Variants in KANSL1L observed in about 807,000 individuals in gnomAD.
KANSL1L encodes the protein KAT8 regulatory NSL complex subunit 1-like protein.
Under a neutral mutation model 108.6 loss-of-function variants are expected in KANSL1L, and 25 were observed. The observed-to-expected ratio is 0.23, with a 90% CI of 0.17 to 0.32. The LOEUF (loss-of-function observed/expected upper bound fraction) is 0.32, where lower values mean the gene tolerates loss of function less well. Among genes scored for constraint, KANSL1L ranks in the 10% least tolerant of loss-of-function variants. KANSL1L has a pLI of 1.00. For missense variants in KANSL1L, 1,137 were observed against 1,125.7 expected (o/e 1.01, Z -0.14); for synonymous variants, 405 against 395.1 (o/e 1.03, Z -0.30).
intron 5 of KANSL1L, among the ~76,000 whole-genome samples, chr2:210,092,312 T>C (rs1276520214): frequency 2.6e-5 from 4 of 152,218 alleles, no homozygotes; most frequent in African/African-American, 9.6e-5. Flanking sequence ...CTTCACACTA[T>C]ATTCTCTACA....
chr2:210,079,666 G>GTGTGTATATATATATATATATA (rs1559539831), intron 5 of KANSL1L: 6 of 18,414 alleles, frequency 3.3e-4, no homozygotes, highest in East Asian at 3.1e-3. Flanking sequence ...ATATATATAT[G>GTGTGTATATATATATATATATA]TATGTGTGTA....
chr2:210,170,877 C>A (rs553940332), intron 1 of KANSL1L, among the ~76,000 whole-genome samples: 2 of 151,986 alleles, frequency 1.3e-5, no homozygotes, highest in Admixed American at 1.3e-4. Context: ...GGTCCGCCCC[C>A]ACCCCTCCCT....
intron 7 of KANSL1L, among the ~76,000 whole-genome samples, chr2:210,041,491 A>G (rs1235031642): frequency 6.6e-6 from 1 of 152,172 alleles, no homozygotes; most frequent in East Asian, 1.9e-4. Flanking sequence ...GCTGGAGTGC[A>G]GTAGCATGAT....
At chr2:210,158,111 C>T (rs942447218) in intron 1 of KANSL1L, among the ~76,000 whole-genome samples, 3 of 152,244 alleles carry the variant, frequency 2.0e-5, no homozygotes, top group East Asian at 3.9e-4. Context: ...CCACCCTCTT[C>T]GTATTCATGC....
intron 6 of KANSL1L, among the ~76,000 whole-genome samples, chr2:210,051,378 T>C (rs73063927): frequency 0.012 from 1,778 of 152,300 alleles, 38 homozygotes; most frequent in African/African-American, 0.04. Context: ...ATATCCTATA[T>C]AAAAGTTTTA....
intron 3 of KANSL1L, among the ~76,000 whole-genome samples, chr2:210,112,735 CAAATATT>C (rs1314699055): frequency 6.6e-6 from 1 of 152,068 alleles, no homozygotes; most frequent in Non-Finnish European, 1.5e-5. Context: ...TCCATCACCA[CAAATATT>C]TATCGTTTCT....
Position 210,140,956 on chromosome 2 carries a change from A to G in KANSL1L, c.1089-11784T>C, listed in dbSNP as rs574905505. Reference sequence around the variant, plus strand: ...GTATAGAAATAATACAGATCTTTGTAGATTGATTTTATATCCTGAAACGCT... The same window carrying G: ...GTATAGAAATAATACAGATCTTTGTGGATTGATTTTATATCCTGAAACGCT... On this transcript the variant is annotated intron_variant, in intron 2 of 14. Transcript: ENST00000281772. Among the ~76,000 whole-genome samples, 5 of 152,268 alleles carry G rather than the reference A, an allele frequency of 3.3e-5. No homozygotes were observed. In the South Asian group the frequency reaches 1.0e-3, roughly 32 times the overall value.
chr2:210,152,478 G>A (rs1048733854), intron 2 of KANSL1L: 2 of 152,102 alleles, frequency 1.3e-5, no homozygotes, highest in Admixed American at 6.5e-5. Flanking sequence ...GTGTTATCAC[G>A]GTGTGATAAC....
chr2:210,154,760 A>C (rs1031235041), intron 1 of KANSL1L, 149 bp from the exon 2 acceptor site: 7 of 440,244 alleles, frequency 1.6e-5, no homozygotes, highest in African/African-American at 4.1e-5. Context: ...CATTATTTCA[A>C]CAAAGATTAA....
intron 2 of KANSL1L, among the ~76,000 whole-genome samples, chr2:210,147,150 T>C (rs2095271584): frequency 6.6e-6 from 1 of 152,206 alleles, no homozygotes; most frequent in African/African-American, 2.4e-5. Context: ...CTCAAAGATG[T>C]CCACATGCCA....
At chr2:210,144,687 A>C (rs1007251559) in intron 2 of KANSL1L, among the ~76,000 whole-genome samples, 2 of 152,144 alleles carry the variant, frequency 1.3e-5, no homozygotes, top group Non-Finnish European at 2.9e-5. Flanking sequence ...TCATTCTGTT[A>C]AACTCCTCAT....
At chr2:210,051,351 C>T (rs2094290287) in intron 6 of KANSL1L, among the ~76,000 whole-genome samples, 1 of 152,110 alleles carries the variant, frequency 6.6e-6, no homozygotes, top group Non-Finnish European at 1.5e-5. Context: ...CTGGATGTCT[C>T]CCACTTTTAA....
At chr2:210,033,532 AGTT>A (rs1031852357) in intron 8 of KANSL1L, among the ~76,000 whole-genome samples, 1 of 151,786 alleles carries the variant, frequency 6.6e-6, no homozygotes, top group African/African-American at 2.4e-5. Flanking sequence ...CTTTCACAAA[AGTT>A]GATTTTTTTT....
intron 8 of KANSL1L, among the ~76,000 whole-genome samples, chr2:210,038,904 T>C (rs1418585223): frequency 5.3e-5 from 8 of 151,948 alleles, no homozygotes; most frequent in Admixed American, 5.2e-4. Context: ...TTAAGTAATA[T>C]AAAGCCCTTC....
chr2:210,033,754 G>A (rs2094059410), intron 8 of KANSL1L, among the ~76,000 whole-genome samples: 1 of 148,798 alleles, frequency 6.7e-6, no homozygotes, highest in African/African-American at 2.5e-5. Flanking sequence ...TATCCAGGAT[G>A]GTCTCGATCT....
intron 3 of KANSL1L, among the ~76,000 whole-genome samples, chr2:210,107,836 T>G (rs2094865470): frequency 6.6e-6 from 1 of 152,014 alleles, no homozygotes; most frequent in African/African-American, 2.4e-5. Context: ...CCTGGCCTTC[T>G]CCTCTGAAAA....
intron 3 of KANSL1L, among the ~76,000 whole-genome samples, chr2:210,116,320 G>A (rs553474535): frequency 6.6e-6 from 1 of 152,276 alleles, no homozygotes; most frequent in African/African-American, 2.4e-5. Flanking sequence ...CCGGGGCTGG[G>A]GAGAAAACTT....
At chr2:210,169,779 A>C (rs1173397782) in intron 1 of KANSL1L, among the ~76,000 whole-genome samples, 1 of 152,246 alleles carries the variant, frequency 6.6e-6, no homozygotes, top group African/African-American at 2.4e-5. Context: ...TGGTTACAAC[A>C]GATTTTAAAG....
At chr2:210,060,028 C>T (rs2094402657) in intron 6 of KANSL1L, among the ~76,000 whole-genome samples, 1 of 152,186 alleles carries the variant, frequency 6.6e-6, no homozygotes, top group Admixed American at 6.5e-5. Context: ...CAGGCGTGAG[C>T]TATCATGCCC....
Sources: gnomAD v4.1 joint callset for allele counts (sites outside exome capture counted in the v4.1 genomes callset) on GRCh38, gnomAD v4.1.1 for gene constraint, MANE v1.5 for transcripts, NCBI Gene and HGNC (gene_info 2026-07-23, HGNC 2026-07-21) for gene names.